The following TANC1 variants were observed in gnomAD, a reference collection of about 807,000 sequenced individuals.
TANC1 encodes protein TANC1.
In TANC1, 77 loss-of-function variants were observed where a neutral mutation model predicts 149.7. The ratio of observed to expected loss-of-function variants is 0.51; its 90% confidence interval spans 0.43 to 0.62. The LOEUF (loss-of-function observed/expected upper bound fraction) is 0.62, where lower values mean the gene tolerates loss of function less well. TANC1 is among the 20% of genes least tolerant of loss of function. The pLI, the probability that TANC1 is intolerant of heterozygous loss-of-function variation, is 0.00. For missense variants in TANC1, 1,985 were observed against 2,321.8 expected, an observed-to-expected ratio of 0.85 and a Z score of 2.98; for synonymous variants, 854 against 925.0, an observed-to-expected ratio of 0.92 and a Z score of 1.39.
intron 19 of TANC1, among the ~76,000 whole-genome samples, chr2:159,214,658 T>C (rs1308895063): frequency 6.6e-6 from 1 of 152,078 alleles, no homozygotes; most frequent in Non-Finnish European, 1.5e-5. Flanking sequence ...CTTGGAAAAA[T>C]ATTGTAGCAT....
intron 2 of TANC1, among the ~76,000 whole-genome samples, chr2:159,024,169 A>G (rs1218310311): frequency 6.6e-6 from 1 of 152,194 alleles, no homozygotes; most frequent in Non-Finnish European, 1.5e-5. Context: ...TTTTGTATAT[A>G]GTCATGTGCC....
intron 1 of TANC1, among the ~76,000 whole-genome samples, chr2:158,973,483 G>A (rs989573112): frequency 3.3e-5 from 5 of 152,308 alleles, no homozygotes; most frequent in Middle Eastern, 3.4e-3. Context: ...AAGATCATAC[G>A]TATACGGCTG....
intron 2 of TANC1, among the ~76,000 whole-genome samples, chr2:159,040,711 C>T (rs2040563390): frequency 6.6e-6 from 1 of 152,200 alleles, no homozygotes; most frequent in Non-Finnish European, 1.5e-5. Context: ...TGAACATCCT[C>T]CTTTAGCTTG....
chr2:158,983,323 C>T (rs1397061888), intron 1 of TANC1, among the ~76,000 whole-genome samples: 1 of 151,738 alleles, frequency 6.6e-6, no homozygotes, highest in Non-Finnish European at 1.5e-5. Flanking sequence ...AAAAATTAGC[C>T]GGGCGTGGTG....
chr2:159,174,904 A>T (rs756019062), intron 11 of TANC1, 49 bp from the exon 12 acceptor site: 2 of 1,403,206 alleles, frequency 1.4e-6, no homozygotes, highest in African/African-American at 1.4e-5. Context: ...TTGCAGAAGG[A>T]GCTGTGTGAA....
intron 4 of TANC1, among the ~76,000 whole-genome samples, chr2:159,129,379 G>A (rs2049834706): frequency 6.6e-6 from 1 of 152,150 alleles, no homozygotes; most frequent in African/African-American, 2.4e-5. Context: ...TCAAAAAGCA[G>A]GAAAACTGGC....
At chr2:158,999,332 C>G (rs1224533995) in intron 1 of TANC1, among the ~76,000 whole-genome samples, 1 of 152,138 alleles carries the variant, frequency 6.6e-6, no homozygotes, top group African/African-American at 2.4e-5. Context: ...ATACCAGAAG[C>G]AAAACTAGAC....
At chr2:159,047,128 C>A (rs539081036) in intron 2 of TANC1, among the ~76,000 whole-genome samples, 2 of 152,022 alleles carry the variant, frequency 1.3e-5, no homozygotes, top group South Asian at 4.2e-4. Context: ...ATCTTTTGGA[C>A]ATTTCTGCTT....
chr2:159,084,689 G>A (rs1266133970), intron 3 of TANC1, among the ~76,000 whole-genome samples: 1 of 152,148 alleles, frequency 6.6e-6, no homozygotes, highest in Non-Finnish European at 1.5e-5. Flanking sequence ...CCCCCAAAAT[G>A]TCAGCATGTC....
intron 2 of TANC1, among the ~76,000 whole-genome samples, chr2:159,047,041 A>G (rs1414684057): frequency 1.3e-5 from 2 of 152,050 alleles, no homozygotes; most frequent in Non-Finnish European, 2.9e-5. Flanking sequence ...GGAGACCTCA[A>G]TAATTCTGTG....
chr2:159,139,563 G>A (rs1171551674), intron 5 of TANC1, among the ~76,000 whole-genome samples: 1 of 152,172 alleles, frequency 6.6e-6, no homozygotes, highest in East Asian at 1.9e-4. Context: ...TTATTTCTTT[G>A]ATTTAGGGGT....
chr2:159,228,188 G>A (rs373832901), intron 25 of TANC1: 615 of 533,012 alleles, frequency 1.2e-3, no homozygotes, highest in Non-Finnish European at 1.7e-3. Context: ...CTTGGGTTTC[G>A]TTTCCTTGGC....
intron 2 of TANC1, among the ~76,000 whole-genome samples, chr2:159,038,748 T>A (rs534678594): frequency 2.6e-5 from 4 of 152,330 alleles, no homozygotes; most frequent in Admixed American, 2.6e-4. Flanking sequence ...CTGGATTCAG[T>A]TTGCCAGTAT....
intron 4 of TANC1, among the ~76,000 whole-genome samples, chr2:159,119,581 C>G (rs2048640333): frequency 6.6e-6 from 1 of 152,186 alleles, no homozygotes; most frequent in Non-Finnish European, 1.5e-5. Flanking sequence ...AATTCGACAT[C>G]AACCTGAGCT....
Position 159,202,889 on chromosome 2 carries a change from C to T in TANC1, c.3244+3836C>T, listed in dbSNP as rs145774714. Among the ~76,000 whole-genome samples the T allele has an allele frequency of 5.9e-5, 9 of 152,216 alleles. No homozygotes were observed. The East Asian group carries it at 1.7e-3, about 29-fold the overall frequency. On this transcript the variant is annotated intron_variant, in intron 19 of 26. Transcript: ENST00000263635. ...CTACACTGAGTTACTATCTCCATGT[C>T]AGTGTTTGCTGTGAATCAGCCCAAG...
intron 2 of TANC1, among the ~76,000 whole-genome samples, chr2:159,054,131 C>G (rs139300228): frequency 1.8e-3 from 275 of 152,294 alleles, no homozygotes; most frequent in African/African-American, 6.1e-3. Context: ...TCCCTGGGGG[C>G]TGGTCTCTCT....
intron 1 of TANC1, among the ~76,000 whole-genome samples, chr2:158,996,153 C>G (rs1559113112): frequency 6.6e-6 from 1 of 152,190 alleles, no homozygotes; most frequent in African/African-American, 2.4e-5. Flanking sequence ...GAGTTCGAGA[C>G]CAGCCTGGGC....
intron 19 of TANC1, among the ~76,000 whole-genome samples, chr2:159,208,784 C>T (rs986398001): frequency 6.6e-6 from 1 of 152,176 alleles, no homozygotes; most frequent in African/African-American, 2.4e-5. Context: ...TTTTTAAATT[C>T]GTGCATGAGA....
intron 7 of TANC1, among the ~76,000 whole-genome samples, chr2:159,153,744 G>A (rs2053118916): frequency 6.6e-6 from 1 of 151,988 alleles, no homozygotes; most frequent in East Asian, 1.9e-4. Flanking sequence ...TCTTCACAGA[G>A]CAGGTTATCT....
Sources: allele counts gnomAD v4.1 joint callset (sites outside exome capture counted in the v4.1 genomes callset), GRCh38; gene constraint gnomAD v4.1.1; transcripts MANE v1.5; gene names NCBI Gene and HGNC (gene_info 2026-07-23, HGNC 2026-07-21).